The following ST6GAL2 variants were observed in gnomAD, a reference collection of about 807,000 sequenced individuals.
ST6GAL2 encodes the protein ST6 beta-galactoside alpha-2,6-sialyltransferase 2.
A neutral mutation model predicts 37.5 loss-of-function variants in ST6GAL2; 24 were observed. The observed-to-expected ratio is 0.64, with a 90% CI of 0.46 to 0.90. ST6GAL2 has a LOEUF of 0.90. Among genes scored for constraint, ST6GAL2 ranks in the 40% least tolerant of loss-of-function variants. ST6GAL2 has a pLI of 0.00. For missense variants in ST6GAL2, 715 were observed against 712.7 expected (o/e 1.00, Z -0.04); for synonymous variants, 306 against 295.1 (o/e 1.04, Z -0.38).
At chr2:106,821,900 CA>C (rs1300729257) in intron 5 of ST6GAL2, among the ~76,000 whole-genome samples, 1 of 151,676 alleles carries the variant, frequency 6.6e-6, no homozygotes, top group East Asian at 1.9e-4. Flanking sequence ...AAATGAAGGA[CA>C]AAAAACATAT....
chr2:106,832,544 C>A, intron 4 of ST6GAL2, 21 bp downstream of exon 4: 2 of 1,374,168 alleles, frequency 1.5e-6, no homozygotes, highest in East Asian at 2.3e-5. Flanking sequence ...TTGGGGTGGG[C>A]AAATCCAGGG....
At chr2:106,811,581 T>C (rs1675612319) in intron 5 of ST6GAL2, among the ~76,000 whole-genome samples, 1 of 152,150 alleles carries the variant, frequency 6.6e-6, no homozygotes, top group African/African-American at 2.4e-5. Flanking sequence ...TTAAAGACAG[T>C]AGAAGGCCCA....
chr2:106,868,077 T>C lies in ST6GAL2; in HGVS notation c.-58+18016A>G, dbSNP rs150075823. 8.7e-4 allele frequency among the ~76,000 whole-genome samples: 132 copies of C among 152,320 alleles called. 4 individuals are homozygous for C. The East Asian group carries it at 0.025, about 29-fold the overall frequency. Reference sequence around the variant, plus strand: ...GTACTAGACATGACGCCAATTCTATTTCTTTTAATTCTTCTGTTGTGTCCT... The same window carrying C: ...GTACTAGACATGACGCCAATTCTATCTCTTTTAATTCTTCTGTTGTGTCCT... On this transcript the variant is annotated intron_variant, in intron 1 of 5. Coordinates refer to ENST00000409382, the MANE Select transcript of ST6GAL2 (RefSeq NM_001142351.2).
intron 4 of ST6GAL2, among the ~76,000 whole-genome samples, chr2:106,831,601 T>C (rs1272506854): frequency 6.6e-6 from 1 of 152,206 alleles, no homozygotes; most frequent in Non-Finnish European, 1.5e-5. Flanking sequence ...TTTCTGGAGA[T>C]GGGGCTCTGA....
At chr2:106,884,164 A>AT (rs559356206) in intron 1 of ST6GAL2, among the ~76,000 whole-genome samples, 21 of 152,020 alleles carry the variant, frequency 1.4e-4, no homozygotes, top group Admixed American at 2.6e-4. Context: ...ACGTACAGGA[A>AT]TTTTTTCAGC....
intron 1 of ST6GAL2, among the ~76,000 whole-genome samples, chr2:106,874,923 T>C (rs1678437101): frequency 6.6e-6 from 1 of 152,192 alleles, no homozygotes; most frequent in African/African-American, 2.4e-5. Flanking sequence ...ATTAGAACCT[T>C]AACGCTGTGT....
chr2:106,811,555 G>T (rs1190717395), intron 5 of ST6GAL2, among the ~76,000 whole-genome samples: 2 of 152,120 alleles, frequency 1.3e-5, no homozygotes, highest in Admixed American at 6.5e-5. Context: ...TAAAACTAAA[G>T]ATTTCACCTT....
At chr2:106,840,297 G>A (rs1274398772) in intron 2 of ST6GAL2, among the ~76,000 whole-genome samples, 1 of 152,186 alleles carries the variant, frequency 6.6e-6, no homozygotes, top group East Asian at 1.9e-4. Context: ...ATTCTAAGCT[G>A]CCTGAAGGAA....
In ST6GAL2 at chr2:106,843,219, G is replaced by A; in HGVS notation, c.759C>T (p.Cys253=). The part of the protein sequence containing the change: ...EAGLSRAQLL[C]QLRSRARVRT... ...GCACGCGCGCGCGGCTCCGCAGCTG[G>A]CACAGCAGCTGTGCCCTGCTCAGCC... Residue 253 remains cysteine, a synonymous_variant, in exon 2 of 6, where the codon TGC becomes TGT. Coordinates refer to ENST00000409382, the MANE Select transcript of ST6GAL2 (RefSeq NM_001142351.2). The A allele has an allele frequency of 6.4e-7, 1 of 1,565,852 alleles. No homozygotes were observed. The highest frequency in any genetic ancestry group is 8.7e-7 in the Non-Finnish European group (1 of 1,155,310).
intron 5 of ST6GAL2, among the ~76,000 whole-genome samples, chr2:106,808,277 G>C (rs1331360641): frequency 2.6e-5 from 4 of 152,130 alleles, no homozygotes; most frequent in African/African-American, 9.7e-5. Flanking sequence ...GCTGCCTGGT[G>C]GACAAGGGGT....
At chr2:106,878,475 G>C (rs1041699559) in intron 1 of ST6GAL2, among the ~76,000 whole-genome samples, 18 of 151,918 alleles carry the variant, frequency 1.2e-4, no homozygotes, top group Non-Finnish European at 1.9e-4. Context: ...AAAAGACAAA[G>C]ACCAGGCTGA....
At chr2:106,873,869 C>T (rs1678383458) in intron 1 of ST6GAL2, among the ~76,000 whole-genome samples, 1 of 152,120 alleles carries the variant, frequency 6.6e-6, no homozygotes, top group Non-Finnish European at 1.5e-5. Flanking sequence ...GTCTCTTGTC[C>T]TTAGAGAATG....
chr2:106,844,208 C>T (rs1366960400), intron 1 of ST6GAL2, among the ~76,000 whole-genome samples, 174 bp from the exon 2 acceptor site: 5 of 151,914 alleles, frequency 3.3e-5, no homozygotes, highest in Non-Finnish European at 7.4e-5. Context: ...TATCTGTCCC[C>T]CTCCCCGCCC....
At chr2:106,829,458 T>A (rs985559667) in intron 5 of ST6GAL2, among the ~76,000 whole-genome samples, 1 of 152,206 alleles carries the variant, frequency 6.6e-6, no homozygotes, top group African/African-American at 2.4e-5. Flanking sequence ...CATGGTCAAC[T>A]GTCCCAGCTG....
intron 1 of ST6GAL2, among the ~76,000 whole-genome samples, chr2:106,868,517 G>A (rs934248245): frequency 2.6e-5 from 4 of 152,112 alleles, no homozygotes; most frequent in African/African-American, 9.7e-5. Context: ...TTTTAGAACC[G>A]GCCATAATAA....
chr2:106,803,123 C>G lies in ST6GAL2; in HGVS notation c.*3555G>C, dbSNP rs1355258840. 4 of 152,156 alleles carry G rather than the reference C, an allele frequency of 2.6e-5. No homozygotes were observed. The highest frequency in any genetic ancestry group is 5.9e-5 in the Non-Finnish European group (4 of 68,040). 9.4% of individuals were successfully genotyped at this position (152,156 alleles called of 1,614,324 possible). A position where few individuals can be genotyped will look rare whatever the true frequency, so the allele number is the denominator to read the frequency against. On this transcript the variant is annotated 3_prime_UTR_variant, in exon 6 of 6. Coordinates refer to ENST00000409382, the MANE Select transcript of ST6GAL2 (RefSeq NM_001142351.2). ...CTCATACACATGTAAGAGAGTGACC[C>G]AGCTACTTTGATTTCCTAATTTTGA...
chr2:106,857,438 A>G (rs1234047928), intron 1 of ST6GAL2, among the ~76,000 whole-genome samples: 1 of 152,018 alleles, frequency 6.6e-6, no homozygotes, highest in African/African-American at 2.4e-5. Context: ...CCCTGTCTCT[A>G]CCAAAAAATA....
At chr2:106,831,967 G>A (rs1320208514) in intron 4 of ST6GAL2, among the ~76,000 whole-genome samples, 2 of 152,194 alleles carry the variant, frequency 1.3e-5, no homozygotes, top group African/African-American at 2.4e-5. Context: ...AAAAGTAGCT[G>A]GCTGCTTGTT....
chr2:106,825,007 C>A (rs1676148987), intron 5 of ST6GAL2: 2 of 152,184 alleles, frequency 1.3e-5, no homozygotes, highest in African/African-American at 4.8e-5. Flanking sequence ...GTTCCAAATG[C>A]AAATTCTCAC....
Sources: gnomAD v4.1 joint callset for allele counts (sites outside exome capture counted in the v4.1 genomes callset) on GRCh38, gnomAD v4.1.1 for gene constraint, MANE v1.5 for transcripts, NCBI Gene and HGNC (gene_info 2026-07-23, HGNC 2026-07-21) for gene names.